The following POU2F1 variants were observed in gnomAD, a reference collection of about 807,000 sequenced individuals.
The protein encoded by POU2F1 is POU domain, class 2, transcription factor 1.
POU2F1 carries 16 observed loss-of-function variants against 84.9 expected under a neutral mutation model. The ratio of observed to expected loss-of-function variants is 0.19; its 90% CI spans 0.13 to 0.29. The LOEUF is 0.29. POU2F1 is among the 10% of genes least tolerant of loss of function. The pLI is 1.00. For missense variants in POU2F1, 738 were observed against 942.6 expected, an observed-to-expected ratio of 0.78 and a Z score of 2.84; for synonymous variants, 368 against 368.3, an observed-to-expected ratio of 1.00 and a Z score of 0.01.
At chr1:167,232,909 A>G (rs1035271590) in intron 1 of POU2F1, among the ~76,000 whole-genome samples, 3 of 151,544 alleles carry the variant, frequency 2.0e-5, no homozygotes, top group African/African-American at 7.3e-5. Context: ...TTTTTCTCTT[A>G]TAAATTTAGT....
intron 1 of POU2F1, among the ~76,000 whole-genome samples, chr1:167,282,085 A>T (rs1056329731): frequency 1.7e-4 from 26 of 151,706 alleles, no homozygotes; most frequent in Admixed American, 3.3e-4. Flanking sequence ...CTATTTTCAT[A>T]CTTACTCCCT....
intron 13 of POU2F1, among the ~76,000 whole-genome samples, chr1:167,402,282 A>G (rs1649269467): frequency 6.6e-6 from 1 of 152,232 alleles, no homozygotes; most frequent in Admixed American, 6.5e-5. Flanking sequence ...ATCATTGGGT[A>G]GATTAATGAT....
rs113717550 is a variant in POU2F1, at chr1:167,336,443, A to G, written c.127+3908A>G. ...AGTATTTTGCATCCTGTTTAGTGCAATAACCTAAACCTTAAATAATGCCAT... is the reference window on the plus strand; with the variant it reads ...AGTATTTTGCATCCTGTTTAGTGCAGTAACCTAAACCTTAAATAATGCCAT... On this transcript the variant is annotated intron_variant, in intron 2 of 15. Coordinates refer to ENST00000367866, the MANE Select transcript of POU2F1 (RefSeq NM_002697.4). Among the ~76,000 whole-genome samples, 623 of 152,342 alleles carry G rather than the reference A, an allele frequency of 4.1e-3. 6 individuals carry two copies. Among genetic ancestry groups the G allele is most frequent in the African/African-American group, 0.014 (602 of 41,578 alleles).
At chr1:167,237,759 TATATATATATATA>T (rs1318508153) in intron 1 of POU2F1, among the ~76,000 whole-genome samples, 2 of 18,390 alleles carry the variant, frequency 1.1e-4, no homozygotes, top group Middle Eastern at 0.012. Context: ...TATATATATA[TATATATATATATA>T]TTTTTTTTTT....
intron 1 of POU2F1, among the ~76,000 whole-genome samples, chr1:167,273,062 G>T (rs946067796): frequency 1.1e-4 from 17 of 152,258 alleles, no homozygotes; most frequent in African/African-American, 4.1e-4. Context: ...AAAGACAGGG[G>T]CTACAGGCCC....
intron 12 of POU2F1, among the ~76,000 whole-genome samples, chr1:167,400,306 A>G (rs1403966514): frequency 2.6e-5 from 4 of 151,886 alleles, no homozygotes; most frequent in Non-Finnish European, 5.9e-5. Flanking sequence ...CACCTATCTT[A>G]TTTTTTAAAG....
intron 1 of POU2F1, among the ~76,000 whole-genome samples, chr1:167,256,968 G>A (rs1248902210): frequency 6.6e-6 from 1 of 152,138 alleles, no homozygotes; most frequent in Non-Finnish European, 1.5e-5. Context: ...TCACTGTCTG[G>A]ATGTGCTTGT....
intron 2 of POU2F1, among the ~76,000 whole-genome samples, chr1:167,349,394 C>G (rs1658410821): frequency 6.6e-6 from 1 of 152,134 alleles, no homozygotes; most frequent in African/African-American, 2.4e-5. Context: ...GCCAGACTCG[C>G]TATCCCTTTT....
intron 1 of POU2F1, among the ~76,000 whole-genome samples, chr1:167,223,122 T>G (rs1485326384): frequency 6.6e-6 from 1 of 152,246 alleles, no homozygotes; most frequent in African/African-American, 2.4e-5. Flanking sequence ...ACTTGCTTAT[T>G]TTAATTGTAG....
chr1:167,397,234 G>T (rs983730585), intron 10 of POU2F1, among the ~76,000 whole-genome samples: 6 of 152,090 alleles, frequency 3.9e-5, no homozygotes, highest in Non-Finnish European at 5.9e-5. Flanking sequence ...TAACTTCAGA[G>T]AATTTATAAA....
intron 1 of POU2F1, 120 bp downstream of exon 1, chr1:167,221,078 A>C (rs1015397343): frequency 4.4e-6 from 4 of 908,180 alleles, no homozygotes; most frequent in Non-Finnish European, 4.9e-6. Flanking sequence ...CGGCGGGGAG[A>C]TGGGGGGCCG....
At chr1:167,264,818 G>A (rs1431018696) in intron 1 of POU2F1, among the ~76,000 whole-genome samples, 1 of 151,968 alleles carries the variant, frequency 6.6e-6, no homozygotes, top group Non-Finnish European at 1.5e-5. Context: ...CCTTTAAAAT[G>A]TTAGAGCATG....
chr1:167,324,134 A>G (rs984379990), intron 1 of POU2F1, among the ~76,000 whole-genome samples: 1 of 152,236 alleles, frequency 6.6e-6, no homozygotes. Flanking sequence ...AGATGTGTGC[A>G]AGAGAGCTAT....
At position 167,311,388 on chromosome 1, in the gene POU2F1, T is replaced by G. The variant is rs1363695393; in HGVS notation, c.62-21082T>G. On this transcript the variant is annotated intron_variant, in intron 1 of 15. Coordinates refer to ENST00000367866, the MANE Select transcript of POU2F1 (RefSeq NM_002697.4). ...ATCTGTATCTAGCAAAAAATATCCT[T>G]CAGGAATGAAGGGAAAATCAAGACA... Among the ~76,000 whole-genome samples the G allele has an allele frequency of 6.6e-5, 10 of 152,056 alleles. No individual in the cohort carries two copies. In the East Asian group the frequency reaches 1.9e-3, roughly 29 times the overall value.
chr1:167,316,684 C>CA, intron 1 of POU2F1, among the ~76,000 whole-genome samples: 1 of 152,222 alleles, frequency 6.6e-6, no homozygotes, highest in Non-Finnish European at 1.5e-5. Context: ...TGTGGTGTCA[C>CA]ACAGATTCTG....
chr1:167,314,588 G>A (rs1655744785), intron 1 of POU2F1, among the ~76,000 whole-genome samples: 1 of 152,160 alleles, frequency 6.6e-6, no homozygotes, highest in South Asian at 2.1e-4. Context: ...ACCATCCTGG[G>A]CCACACAGGG....
intron 2 of POU2F1, among the ~76,000 whole-genome samples, chr1:167,364,049 T>C (rs187119409): frequency 6.6e-6 from 1 of 152,352 alleles, no homozygotes; most frequent in East Asian, 1.9e-4. Flanking sequence ...ATCCATGGTC[T>C]AGACAATTCT....
intron 1 of POU2F1, among the ~76,000 whole-genome samples, chr1:167,287,463 A>G (rs1357546494): frequency 1.3e-5 from 2 of 152,220 alleles, no homozygotes; most frequent in Non-Finnish European, 1.5e-5. Context: ...AAAAAAGACA[A>G]CATCAGAAAG....
chr1:167,267,904 G>C (rs1188377625), intron 1 of POU2F1, among the ~76,000 whole-genome samples: 2 of 152,042 alleles, frequency 1.3e-5, no homozygotes, highest in African/African-American at 2.4e-5. Flanking sequence ...GCCTCCCAAA[G>C]TGCTGGGATT....
Sources: gnomAD v4.1 joint callset for allele counts (sites outside exome capture counted in the v4.1 genomes callset) on GRCh38, gnomAD v4.1.1 for gene constraint, MANE v1.5 for transcripts, NCBI Gene and HGNC (gene_info 2026-07-23, HGNC 2026-07-21) for gene names.